LIMCH1: variants seen among roughly 807,000 people sequenced by gnomAD.
LIMCH1 encodes the protein LIM and calponin homology domains-containing protein 1.
In LIMCH1, 113 loss-of-function variants were observed where a neutral mutation model predicts 176.5. The ratio of observed to expected loss-of-function variants is 0.64; its 90% CI spans 0.55 to 0.75. LIMCH1 has a LOEUF of 0.75. Among genes scored for constraint, LIMCH1 ranks in the 30% least tolerant of loss-of-function variants. LIMCH1 has a pLI of 0.00. For synonymous variants in LIMCH1, 619 were observed against 645.9 expected, an observed-to-expected ratio of 0.96 and a Z score of 0.63; for missense variants, 1,674 against 1,814.9, an observed-to-expected ratio of 0.92 and a Z score of 1.41.
chr4:41,406,603 A>G (rs549344816), intron 1 of LIMCH1, among the ~76,000 whole-genome samples: 1 of 152,172 alleles, frequency 6.6e-6, no homozygotes, highest in Non-Finnish European at 1.5e-5. Context: ...TAATGGAAAA[A>G]AATTATTGAA....
intron 1 of LIMCH1, among the ~76,000 whole-genome samples, chr4:41,400,106 C>T (rs1022879886): frequency 2.6e-5 from 4 of 151,518 alleles, no homozygotes; most frequent in Admixed American, 6.6e-5. Context: ...AAGGTTTGGA[C>T]CAAGACTGTG....
At chr4:41,540,148 A>C (rs1242166692) in intron 1 of LIMCH1, among the ~76,000 whole-genome samples, 3 of 152,190 alleles carry the variant, frequency 2.0e-5, no homozygotes, top group African/African-American at 7.2e-5. Flanking sequence ...CTCGTCTGTA[A>C]AAATGGACAT....
chr4:41,516,075 A>G (rs1234617660), intron 2 of LIMCH1, among the ~76,000 whole-genome samples: 2 of 152,186 alleles, frequency 1.3e-5, no homozygotes, highest in Admixed American at 6.5e-5. Flanking sequence ...TAGTTATACT[A>G]AGTTCTTTTC....
intron 1 of LIMCH1, among the ~76,000 whole-genome samples, chr4:41,556,023 G>T (rs1458963540): frequency 6.6e-6 from 1 of 152,076 alleles, no homozygotes; most frequent in Non-Finnish European, 1.5e-5. Context: ...GGGATTACAG[G>T]TGTGAGCCAC....
Position 41,447,792 on chromosome 4 carries a change from A to T in LIMCH1, c.97-46744A>T, listed in dbSNP as rs546976838. 1.3e-4 allele frequency among the ~76,000 whole-genome samples: 20 copies of T among 149,674 alleles called. 1 individual carries two copies. In the East Asian group the frequency reaches 3.8e-3, roughly 28 times the overall value. On this transcript the variant is annotated intron_variant, in intron 1 of 26. Coordinates refer to the LIMCH1 transcript ENST00000313860. ...ATCAAGCTAGTGGGTTGGGAGTAGC[A>T]TTTTTTTTTCGTTTTTGAGACAGGG...
chr4:41,686,876 A>G (rs1024054743), intron 28 of LIMCH1, among the ~76,000 whole-genome samples: 4 of 152,160 alleles, frequency 2.6e-5, no homozygotes, highest in African/African-American at 7.2e-5. Context: ...ATTTGTCTGT[A>G]TGACACTCAG....
chr4:41,612,759 C>G, intron 4 of LIMCH1: 1 of 719,682 alleles, frequency 1.4e-6, no homozygotes, highest in Non-Finnish European at 2.3e-6. Context: ...GCTTTCAGCT[C>G]CCCCAGCGCC....
At chr4:41,693,919 C>T (rs1041068920) in intron 31 of LIMCH1, among the ~76,000 whole-genome samples, 1 of 152,126 alleles carries the variant, frequency 6.6e-6, no homozygotes, top group African/African-American at 2.4e-5. Context: ...CCTGAACCCC[C>T]CTCTGGGTGA....
upstream of LIMCH1, among the ~76,000 whole-genome samples, chr4:41,537,051 G>A (rs1224714358): frequency 6.6e-6 from 1 of 152,126 alleles, no homozygotes; most frequent in East Asian, 1.9e-4. Flanking sequence ...TTCACTTAAA[G>A]TAGGATGAAT....
chr4:41,487,368 C>T (rs1362587268), intron 1 of LIMCH1, among the ~76,000 whole-genome samples: 1 of 152,088 alleles, frequency 6.6e-6, no homozygotes, highest in Non-Finnish European at 1.5e-5. Flanking sequence ...CGTGCTCGGT[C>T]CTAATGGGCA....
chr4:41,620,622 GA>G lies in LIMCH1; in HGVS notation c.658del (p.Ile220SerfsTer7), dbSNP rs1221664153. The G allele has an allele frequency of 2.0e-6, 3 of 1,536,188 alleles. No homozygotes were observed. The highest frequency in any genetic ancestry group is 8.7e-7 in the Non-Finnish European group (1 of 1,146,918). On this transcript the variant is annotated frameshift_variant, in exon 7 of 32. Transcript: ENST00000503057. LOFTEE classifies it high-confidence loss of function. ...AGTCTGAAGAAAAAGATGCTGCTGA[GA>G]TCCAAAAGCGCAAAAGGCTAGAGCA... ...PKSEEKDAAE[I>X]QKRKRLEQAG...
chr4:41,655,766 G>T (rs7661703), intron 18 of LIMCH1, among the ~76,000 whole-genome samples: 86,824 of 151,426 alleles, frequency 0.57, 26,107 homozygotes, highest in African/African-American at 0.73. Flanking sequence ...GGGGCTCAAG[G>T]GATACTCTCA....
chr4:41,505,045 G>T (rs993045844), intron 2 of LIMCH1, among the ~76,000 whole-genome samples: 1 of 152,174 alleles, frequency 6.6e-6, no homozygotes, highest in Non-Finnish European at 1.5e-5. Flanking sequence ...ATATAGGATT[G>T]TTCTGAGGAT....
intron 2 of LIMCH1, among the ~76,000 whole-genome samples, chr4:41,602,306 G>A (rs990164657): frequency 3.9e-5 from 6 of 152,016 alleles, no homozygotes; most frequent in Admixed American, 3.9e-4. Context: ...CGAAATGTAC[G>A]CAGGCTCTGG....
chr4:41,377,028 A>G (rs2054868759), intron 1 of LIMCH1, among the ~76,000 whole-genome samples: 1 of 152,242 alleles, frequency 6.6e-6, no homozygotes, highest in African/African-American at 2.4e-5. Context: ...CTCCCAAGGT[A>G]TGTAAACAAG....
rs760576731 is a variant in LIMCH1, at chr4:41,682,452, G to A, written c.3837G>A (p.Glu1279=). ...CTAGGGAAAGTGATCGACTGGAGGA[G>A]AAGGGCAGGTATGAGCCCATCCCAA... ...LKTRESDRLE[E]KGSLTEGALA... Residue 1279 remains glutamate, a synonymous_variant, in exon 26 of 32, where the codon GAG becomes GAA. Transcript: ENST00000503057. 6 of 1,612,860 alleles carry A rather than the reference G, an allele frequency of 3.7e-6. No individual in the cohort carries two copies. The Admixed American group carries it at 8.3e-5, about 22-fold the overall frequency.
intron 3 of LIMCH1, among the ~76,000 whole-genome samples, chr4:41,527,558 C>T (rs75440763): frequency 2.6e-5 from 4 of 152,252 alleles, no homozygotes; most frequent in Middle Eastern, 3.4e-3. Context: ...CTCGGCCGGG[C>T]GTGGTGGTGG....
rs34056313 is a variant in LIMCH1, at chr4:41,565,346, T to TACACACACACAC, written c.-241+27022_-241+27033dup. The stretch of plus-strand genomic sequence containing the variant: ...ATAGTTAGAAGTTAGCTATTTCGGA[T>TACACACACACAC]ACACACACACACACACACACACACA... On this transcript the variant is annotated intron_variant, in intron 1 of 31. Transcript: ENST00000503057. 5.5e-3 allele frequency among the ~76,000 whole-genome samples: 701 copies of TACACACACACAC among 128,590 alleles called. 3 individuals carry two copies. The highest frequency in any genetic ancestry group is 0.019 in the African/African-American group (664 of 34,106). 84.4% of individuals were successfully genotyped at this position (128,590 alleles called of 152,430 possible).
Position 41,665,550 on chromosome 4 carries a change from A to G in LIMCH1, c.3292-1011A>G, listed in dbSNP as rs77286787. Among the ~76,000 whole-genome samples the G allele has an allele frequency of 7.4e-3, 1,120 of 152,336 alleles. 17 individuals are homozygous for G. Among genetic ancestry groups the G allele is most frequent in the African/African-American group, 0.026 (1,071 of 41,568 alleles). On this transcript the variant is annotated intron_variant, in intron 20 of 31. Transcript: ENST00000503057. ...ATTAATTTATTCTGAGGACCAAATT[A>G]GGGATCAGCATATGATGAAACAAGT... is the stretch of plus-strand genomic sequence containing the variant.
Sources: allele counts gnomAD v4.1 joint callset (sites outside exome capture counted in the v4.1 genomes callset), GRCh38; gene constraint gnomAD v4.1.1; transcripts MANE v1.5; gene names NCBI Gene and HGNC (gene_info 2026-07-23, HGNC 2026-07-21).